The following LAMB4 variants were observed in gnomAD, a reference collection of about 807,000 sequenced individuals.
LAMB4 encodes the protein laminin subunit beta-4.
A neutral mutation model predicts 199.2 loss-of-function variants in LAMB4; 196 were observed. That is an observed-to-expected ratio of 0.98 (90% CI 0.88 to 1.11). The LOEUF (loss-of-function observed/expected upper bound fraction) is 1.11. Among genes scored for constraint, LAMB4 ranks in the 50% least tolerant of loss-of-function variants. The pLI, the probability that LAMB4 is intolerant of heterozygous loss-of-function variation, is 0.00. For synonymous variants in LAMB4, 744 were observed against 770.6 expected (o/e 0.97, Z 0.57); for missense variants, 2,080 against 2,171.2 (o/e 0.96, Z 0.83).
At chr7:108,076,257 C>G (rs1438426186) in intron 17 of LAMB4, among the ~76,000 whole-genome samples, 1 of 152,082 alleles carries the variant, frequency 6.6e-6, no homozygotes, top group Non-Finnish European at 1.5e-5. Context: ...ATGCTCAACT[C>G]TGCCAAGGGA....
intron 14 of LAMB4, among the ~76,000 whole-genome samples, chr7:108,080,860 A>G (rs759289410): frequency 1.4e-4 from 22 of 151,808 alleles, no homozygotes; most frequent in Non-Finnish European, 2.4e-4. Context: ...GCGGTGGCTC[A>G]GGCCTGTAAT....
chr7:108,039,233 C>T (rs2035334508), intron 29 of LAMB4, among the ~76,000 whole-genome samples: 1 of 152,166 alleles, frequency 6.6e-6, no homozygotes. Flanking sequence ...AAGGAACTTA[C>T]ACTGTTCAGA....
At chr7:108,033,837 T>G (rs2035131078) in intron 31 of LAMB4, among the ~76,000 whole-genome samples, 1 of 151,892 alleles carries the variant, frequency 6.6e-6, no homozygotes, top group African/African-American at 2.4e-5. Context: ...TTTCTTTGGT[T>G]TTTGTGAGCT....
chr7:108,033,145 A>G (rs1474904469), intron 31 of LAMB4, among the ~76,000 whole-genome samples: 1 of 152,184 alleles, frequency 6.6e-6, no homozygotes, highest in Non-Finnish European at 1.5e-5. Flanking sequence ...GCAACCTGCA[A>G]ACTTTTTCTG....
Position 108,116,056 on chromosome 7 carries a change from G to C in LAMB4, c.140C>G (p.Ser47Cys), listed in dbSNP as rs200681916. 6.2e-7 allele frequency: 1 copy of C among 1,614,108 alleles called. No individual in the cohort carries two copies. The highest frequency in any genetic ancestry group is 2.2e-5 in the East Asian group (1 of 44,884). The change falls in exon 3 of 34, where the codon TCT becomes TGT. Residue 47 changes from serine to cysteine, a missense_variant. By Grantham distance (112) the Ser-to-Cys change is moderately radical. Coordinates refer to ENST00000388781, the MANE Select transcript of LAMB4 (RefSeq NM_007356.3). The stretch of plus-strand genomic sequence containing the variant: ...CTGGGCTCTGCTCAGCCCACAGGTA[G>C]AAGAAGCCATAAGCTGCGTGTTCCT... ...VGRNTQLMAS[S>C]TCGLSRAQKY...
At chr7:108,104,155 G>GGA (rs1301605337) in intron 9 of LAMB4, among the ~76,000 whole-genome samples, 42 of 152,312 alleles carry the variant, frequency 2.8e-4, no homozygotes, top group African/African-American at 1.0e-3. Flanking sequence ...CAGGATGACA[G>GGA]TGCAGATCTC....
chr7:108,112,781 A>C (rs2150675375), intron 3 of LAMB4, among the ~76,000 whole-genome samples: 1 of 152,256 alleles, frequency 6.6e-6, no homozygotes, highest in Non-Finnish European at 1.5e-5. Flanking sequence ...TCTTTTGCAA[A>C]GCTTCTGGGA....
chr7:108,068,258 C>G, intron 18 of LAMB4, 99 bp from the exon 19 acceptor site: 9 of 1,134,426 alleles, frequency 7.9e-6, no homozygotes, highest in Non-Finnish European at 1.1e-5. Context: ...CATTTAAGAC[C>G]TCTTTAATAC....
intron 33 of LAMB4, among the ~76,000 whole-genome samples, chr7:108,027,818 T>G (rs2034888614): frequency 6.6e-6 from 1 of 152,356 alleles, no homozygotes; most frequent in African/African-American, 2.4e-5. Flanking sequence ...AGTCTCTCTC[T>G]GTTGCCCAGG....
chr7:108,043,484 T>A (rs1452317608), intron 29 of LAMB4, among the ~76,000 whole-genome samples: 1 of 149,110 alleles, frequency 6.7e-6, no homozygotes, highest in Non-Finnish European at 1.5e-5. Context: ...CCAAAGGGTA[T>A]ATCATTTTTC....
At position 108,079,793 on chromosome 7, in the gene LAMB4, T is replaced by C. The variant is rs1236495470; in HGVS notation, c.1702-7A>G. 6.4e-7 allele frequency: 1 copy of C among 1,565,058 alleles called. No homozygotes were observed. Among genetic ancestry groups the C allele is most frequent in the Non-Finnish European group, 8.6e-7 (1 of 1,158,442 alleles). ...GGCCAAACGTCTCCGAGCCCTAAAA[T>C]GGGAGAGGAATGTAAATAGCTTTGC... On this transcript the variant is annotated splice_region_variant and splice_polypyrimidine_tract_variant and intron_variant, in intron 14 of 33. Transcript: ENST00000388781.
rs769589549 is a variant in LAMB4 at position 108,091,978 on chromosome 7, C to T, written c.1551-202G>A. On this transcript the variant is annotated intron_variant, in intron 13 of 33. Transcript: ENST00000388781. ...TGAATCCAGGGCCATGGAGCCCAGG[C>T]GGCCACTTTCCCCACCCTCCGCCCC... 2.6e-5 allele frequency among the ~76,000 whole-genome samples: 4 copies of T among 152,138 alleles called. No individual in the cohort carries two copies. In the South Asian group the frequency reaches 8.3e-4, roughly 32 times the overall value.
At chr7:108,083,085 C>T (rs1376613060) in intron 14 of LAMB4, among the ~76,000 whole-genome samples, 1 of 152,188 alleles carries the variant, frequency 6.6e-6, no homozygotes, top group African/African-American at 2.4e-5. Context: ...GAAAAAGGAA[C>T]ATCGTCAATC....
intron 4 of LAMB4, 57 bp downstream of exon 4, chr7:108,111,754 G>A (rs2038231819): frequency 1.4e-6 from 2 of 1,444,232 alleles, no homozygotes; most frequent in Non-Finnish European, 9.7e-7. Flanking sequence ...ACAAGGAAGA[G>A]GATGTCATAT....
intron 20 of LAMB4, 119 bp downstream of exon 20, chr7:108,066,250 T>A (rs1356416824): frequency 1.3e-6 from 1 of 763,174 alleles, no homozygotes; most frequent in South Asian, 1.8e-5. Flanking sequence ...CTCCCCGACC[T>A]ATAACAGTCC....
intron 33 of LAMB4, among the ~76,000 whole-genome samples, chr7:108,026,244 A>G (rs1470952371): frequency 6.6e-6 from 1 of 152,170 alleles, no homozygotes; most frequent in Non-Finnish European, 1.5e-5. Context: ...AAGAAGTAGA[A>G]TCTACTTACC....
intron 8 of LAMB4, among the ~76,000 whole-genome samples, chr7:108,104,821 G>A (rs2037944643): frequency 6.6e-6 from 1 of 151,898 alleles, no homozygotes; most frequent in African/African-American, 2.4e-5. Context: ...AAAGTTCAGT[G>A]AACTTCTAAA....
intron 3 of LAMB4, among the ~76,000 whole-genome samples, chr7:108,114,039 T>C (rs1329844363): frequency 1.3e-5 from 2 of 152,194 alleles, no homozygotes; most frequent in Non-Finnish European, 2.9e-5. Flanking sequence ...GGTATAACTT[T>C]GAGATATAAG....
chr7:108,065,942 C>T (rs754518665), intron 20 of LAMB4, 23 bp from the exon 21 acceptor site: 3 of 1,604,840 alleles, frequency 1.9e-6, no homozygotes, highest in Non-Finnish European at 2.6e-6. Context: ...TTTCCTTTCA[C>T]CAAAATGTTT....
Sources: gnomAD v4.1 joint callset for allele counts (sites outside exome capture counted in the v4.1 genomes callset) on GRCh38, gnomAD v4.1.1 for gene constraint, MANE v1.5 for transcripts, NCBI Gene and HGNC (gene_info 2026-07-23, HGNC 2026-07-21) for gene names.